ZC3H7A: variants seen among roughly 807,000 people sequenced by gnomAD.
The protein encoded by ZC3H7A is zinc finger CCCH domain-containing protein 7A.
In ZC3H7A, 44 loss-of-function variants were observed where a neutral mutation model predicts 125.5. The observed-to-expected ratio is 0.35, with a 90% confidence interval of 0.28 to 0.45. ZC3H7A has a LOEUF of 0.45. Ranked by LOEUF, ZC3H7A falls within the 20% of genes least tolerant of loss-of-function variation. ZC3H7A has a pLI of 1.00. For synonymous variants in ZC3H7A, 399 were observed against 391.2 expected (o/e 1.02, Z -0.23); for missense variants, 977 against 1,170.7 (o/e 0.83, Z 2.41).
chr16:11,790,069 G>C (rs563101231), intron 1 of ZC3H7A, among the ~76,000 whole-genome samples: 14 of 112,044 alleles, frequency 1.2e-4, no homozygotes, highest in African/African-American at 4.0e-4. Context: ...CACAGAGTGA[G>C]ACTCCATCTC....
In ZC3H7A at chr16:11,756,344, G is replaced by A. The variant is rs746401051; in HGVS notation, c.2455C>T (p.Leu819=). 6.2e-7 allele frequency: 1 copy of A among 1,613,468 alleles called. No individual in the cohort carries two copies. Among genetic ancestry groups the A allele is most frequent in the South Asian group, 1.1e-5 (1 of 90,868 alleles). The change falls in exon 21 of 23, where the codon CTA becomes TTA. Residue 819 remains leucine, a synonymous_variant. Transcript: ENST00000355758. Reference sequence around the variant, plus strand: ...TCATTTTTTTGACTCTTGAGCCATAGTTCGTAAAATTGCTCCATATCTTGT... The same window carrying A: ...TCATTTTTTTGACTCTTGAGCCATAATTCGTAAAATTGCTCCATATCTTGT... ...GIQDMEQFYE[L]WLKSQKNEKS...
intron 21 of ZC3H7A, 152 bp from the exon 22 acceptor site, chr16:11,752,984 A>G (rs2141150604): frequency 2.3e-6 from 2 of 870,188 alleles, no homozygotes; most frequent in East Asian, 5.3e-5. Flanking sequence ...TGGGGAAGCA[A>G]GCCAGCACTC....
At chr16:11,758,255 A>G (rs897121479) in intron 20 of ZC3H7A, among the ~76,000 whole-genome samples, 176 bp downstream of exon 20, 2 of 152,148 alleles carry the variant, frequency 1.3e-5, no homozygotes, top group African/African-American at 2.4e-5. Flanking sequence ...ATTCTACCCC[A>G]CTGAGGCTGT....
At position 11,779,274 on chromosome 16, in the gene ZC3H7A, G is replaced by A; in HGVS notation, c.198C>T (p.Tyr66=). The A allele has an allele frequency of 6.2e-7, 1 of 1,613,956 alleles. No homozygotes were observed. Among genetic ancestry groups the A allele is most frequent in the South Asian group, 1.1e-5 (1 of 91,036 alleles). Residue 66 remains tyrosine, a synonymous_variant, in exon 4 of 23, where the codon TAC becomes TAT. Coordinates refer to ENST00000355758, the MANE Select transcript of ZC3H7A (RefSeq NM_014153.4). The part of the protein sequence containing the change: ...EHDWNNSISQ[Y]TEALNIADYA... ...AATCAGCTATATTCAAGGCTTCCGT[G>A]TACTGGCTTATCGAGTTGTTCCAAT...
At chr16:11,788,529 G>T (rs112446382) in intron 1 of ZC3H7A, among the ~76,000 whole-genome samples, 1 of 151,802 alleles carries the variant, frequency 6.6e-6, no homozygotes, top group Non-Finnish European at 1.5e-5. Flanking sequence ...TTGCCCTTCC[G>T]CCCGTTTGCC....
Position 11,765,471 on chromosome 16 carries a change from A to C in ZC3H7A, c.1719+18T>G. ...CAAATTCAACTTTACAGTGGAAAATAAGTTTTGGAGAACACACCTCACAAA... is the reference window on the plus strand; with the variant it reads ...CAAATTCAACTTTACAGTGGAAAATCAGTTTTGGAGAACACACCTCACAAA... On this transcript the variant is annotated intron_variant, in intron 14 of 22. Transcript: ENST00000355758. This position sits in a 1 kb window ranked among gnomAD's most constrained non-coding sequence, Gnocchi z 4.8. 6.3e-7 allele frequency: 1 copy of C among 1,594,772 alleles called. No individual in the cohort carries two copies. Among genetic ancestry groups the C allele is most frequent in the Non-Finnish European group, 8.6e-7 (1 of 1,168,586 alleles).
intron 1 of ZC3H7A, among the ~76,000 whole-genome samples, chr16:11,787,803 G>A (rs183747126): frequency 9.9e-5 from 15 of 152,112 alleles, no homozygotes; most frequent in Admixed American, 4.6e-4. Context: ...AACATTAGCC[G>A]GGCATGGTGG....
chr16:11,784,935 GATCACCT>G (rs2053233069), intron 1 of ZC3H7A, among the ~76,000 whole-genome samples: 1 of 151,572 alleles, frequency 6.6e-6, no homozygotes, highest in East Asian at 1.9e-4. Flanking sequence ...GAGGTGGGCA[GATCACCT>G]GAGGTCAGGA....
At chr16:11,793,083 C>G (rs946509939) in intron 1 of ZC3H7A, among the ~76,000 whole-genome samples, 6 of 152,140 alleles carry the variant, frequency 3.9e-5, no homozygotes, top group African/African-American at 1.2e-4. Context: ...ATCTGCTCCA[C>G]CCAGAACATA....
rs747086458 is a variant in ZC3H7A, at chr16:11,756,347, C to G, written c.2452G>C (p.Glu818Gln). The change falls in exon 21 of 23, where the codon GAA (glutamate) becomes CAA (glutamine). Residue 818 changes from glutamate to glutamine, a missense_variant. Transcript: ENST00000355758. ...NGIQDMEQFY[E>Q]LWLKSQKNEK... ...TTTTTTTGACTCTTGAGCCATAGTT[C>G]GTAAAATTGCTCCATATCTTGTACT... is the stretch of plus-strand genomic sequence containing the variant. The G allele has an allele frequency of 1.9e-6, 3 of 1,613,332 alleles. No homozygotes were observed. The highest frequency in any genetic ancestry group is 2.5e-6 in the Non-Finnish European group (3 of 1,179,844).
chr16:11,760,660 G>A (rs537444456), intron 19 of ZC3H7A, among the ~76,000 whole-genome samples: 3 of 152,326 alleles, frequency 2.0e-5, no homozygotes, highest in African/African-American at 7.2e-5. Flanking sequence ...CAGGTAGAGA[G>A]CTTACTACCT....
chr16:11,755,522 G>GT (rs2052629312), intron 21 of ZC3H7A, among the ~76,000 whole-genome samples: 1 of 152,154 alleles, frequency 6.6e-6, no homozygotes, highest in South Asian at 2.1e-4. Flanking sequence ...GACTGCAGGC[G>GT]TAAGCGGGGA....
At chr16:11,764,871 G>T in intron 15 of ZC3H7A, 182 bp downstream of exon 15, 1 of 471,588 alleles carries the variant, frequency 2.1e-6, no homozygotes. Flanking sequence ...AATATATTTA[G>T]TTAATTATTC....
intron 1 of ZC3H7A, among the ~76,000 whole-genome samples, chr16:11,783,354 A>G (rs927911826): frequency 1.3e-5 from 2 of 152,126 alleles, no homozygotes; most frequent in African/African-American, 4.8e-5. Context: ...TCCACTAATC[A>G]ACGTTCACCG....
At chr16:11,782,251 G>A (rs2053184319) in intron 2 of ZC3H7A, 36 bp downstream of exon 2, 3 of 1,611,620 alleles carry the variant, frequency 1.9e-6, no homozygotes, top group African/African-American at 1.3e-5. Context: ...AAAGAATTAG[G>A]ACGCGGCAAG....
In ZC3H7A at chr16:11,765,774, T is replaced by C. The variant is rs930138705; in HGVS notation, c.1523-89A>G. ...TGGGAGGCTGAGGTGGGAGGATCCCTTGAGCCCAGGAGTTCAAGGCTGCGG... is the reference window on the plus strand; with the variant it reads ...TGGGAGGCTGAGGTGGGAGGATCCCCTGAGCCCAGGAGTTCAAGGCTGCGG... On this transcript the variant is annotated intron_variant, in intron 13 of 22. Coordinates refer to ENST00000355758, the MANE Select transcript of ZC3H7A (RefSeq NM_014153.4). The surrounding 1 kb of genome is among the most constrained non-coding windows in gnomAD (Gnocchi z 4.8). 58 of 1,346,488 alleles carry C rather than the reference T, an allele frequency of 4.3e-5. No homozygotes were observed. The highest frequency in any genetic ancestry group is 5.5e-5 in the Non-Finnish European group (54 of 990,708). 83.4% of individuals were successfully genotyped at this position (1,346,488 alleles called of 1,614,324 possible).
intron 18 of ZC3H7A, 32 bp downstream of exon 18, chr16:11,761,878 A>G (rs776022126): frequency 2.2e-5 from 36 of 1,603,534 alleles, no homozygotes; most frequent in Non-Finnish European, 3.0e-5. Context: ...GAAAATTACA[A>G]AATAGGAATT....
chr16:11,781,496 T>C (rs1303638115), intron 2 of ZC3H7A, 32 bp from the exon 3 acceptor site: 1 of 1,600,256 alleles, frequency 6.2e-7, no homozygotes, highest in Non-Finnish European at 8.5e-7. Flanking sequence ...ACTGTAATTA[T>C]CAAGCTCCTT....
chr16:11,789,232 A>G (rs2053310656), intron 1 of ZC3H7A, among the ~76,000 whole-genome samples: 1 of 152,190 alleles, frequency 6.6e-6, no homozygotes, highest in Non-Finnish European at 1.5e-5. Flanking sequence ...TTCAAAATAA[A>G]AAGGTAAAAG....
Sources: allele counts gnomAD v4.1 joint callset (sites outside exome capture counted in the v4.1 genomes callset), GRCh38; gene constraint gnomAD v4.1.1; non-coding constraint Gnocchi (gnomAD v3.1); transcripts MANE v1.5; gene names NCBI Gene and HGNC (gene_info 2026-07-23, HGNC 2026-07-21).